Variants in MRPL13 observed in about 807,000 individuals in gnomAD.
The protein encoded by MRPL13 is mitochondrial ribosomal protein L13, also known as large ribosomal subunit protein uL13m.
MRPL13 carries 33 observed loss-of-function variants against 29.0 expected under a neutral mutation model. That is an observed-to-expected ratio of 1.14 (90% CI 0.86 to 1.52). The LOEUF (loss-of-function observed/expected upper bound fraction) is 1.52. MRPL13 is among the 40% of genes most tolerant of loss of function. The probability of loss-of-function intolerance (pLI) is 0.00; values close to 1 mark genes in which losing one functional copy is unlikely to be tolerated. For missense variants in MRPL13, 227 were observed against 216.7 expected, an observed-to-expected ratio of 1.05 and a Z score of -0.30; for synonymous variants, 77 against 68.4, an observed-to-expected ratio of 1.13 and a Z score of -0.62.
intron 4 of MRPL13, 134 bp downstream of exon 4, chr8:120,425,171 TG>T: frequency 1.7e-6 from 1 of 575,128 alleles, no homozygotes; most frequent in South Asian, 2.7e-5. Context: ...TATCAAAACG[TG>T]TGTGATACAG....
intron 3 of MRPL13, among the ~76,000 whole-genome samples, chr8:120,426,827 A>C (rs922586615): frequency 1.3e-5 from 2 of 152,184 alleles, no homozygotes; most frequent in Non-Finnish European, 2.9e-5. Flanking sequence ...AACTGGGGAC[A>C]CACAGATAAA....
chr8:120,419,279 T>C (rs2130467294), intron 5 of MRPL13, among the ~76,000 whole-genome samples: 1 of 152,098 alleles, frequency 6.6e-6, no homozygotes, highest in African/African-American at 2.4e-5. Context: ...ATTATTTTAT[T>C]ATAGAAGCTT....
intron 6 of MRPL13, among the ~76,000 whole-genome samples, chr8:120,407,211 C>T (rs1812679115): frequency 6.6e-6 from 1 of 152,176 alleles, no homozygotes; most frequent in African/African-American, 2.4e-5. Flanking sequence ...TTTATATTAT[C>T]TTGAAAATGG....
intron 2 of MRPL13, among the ~76,000 whole-genome samples, chr8:120,442,740 G>A (rs7002445): frequency 0.78 from 118,843 of 152,070 alleles, 47,930 homozygotes; most frequent in Non-Finnish European, 0.89. Flanking sequence ...AAGTCTATTA[G>A]TCTTATTAGT....
At chr8:120,414,135 C>T in intron 5 of MRPL13, 23 bp from the exon 6 acceptor site, 1 of 1,438,196 alleles carries the variant, frequency 7.0e-7, no homozygotes, top group African/African-American at 1.5e-5. Flanking sequence ...AAAATTTAGA[C>T]TTAATTTTCT....
intron 2 of MRPL13, among the ~76,000 whole-genome samples, chr8:120,440,243 A>G (rs1026204776): frequency 2.0e-5 from 3 of 152,260 alleles, no homozygotes; most frequent in African/African-American, 7.2e-5. Context: ...CCTGAGCAGA[A>G]ATCTGAAAGA....
chr8:120,425,330 C>A lies in MRPL13; in HGVS notation c.282G>T (p.Gln94His). 2.5e-6 allele frequency: 4 copies of A among 1,612,724 alleles called. No homozygotes were observed. Among genetic ancestry groups the A allele is most frequent in the Non-Finnish European group, 3.4e-6 (4 of 1,179,184 alleles). Residue 94 changes from glutamine (Q) to histidine (H), a missense_variant, in exon 4 of 7, where the codon CAG becomes CAT. By Grantham distance (24) the Gln-to-His change is conservative. Transcript: ENST00000306185. The part of the protein sequence containing the change: ...PGGFRQVTAA[Q>H]LHLRDPVAIV... ...CTGCCACTGGATCCCTCAGGTGAAGCTGAGCAGCTGTTACTTGTCTAAATC... is the reference window on the plus strand; with the variant it reads ...CTGCCACTGGATCCCTCAGGTGAAGATGAGCAGCTGTTACTTGTCTAAATC...
chr8:120,429,680 A>G (rs1812976851), intron 3 of MRPL13, among the ~76,000 whole-genome samples: 1 of 152,140 alleles, frequency 6.6e-6, no homozygotes, highest in Non-Finnish European at 1.5e-5. Context: ...TTAAGTGAAA[A>G]AGGATATAAA....
intron 2 of MRPL13, among the ~76,000 whole-genome samples, chr8:120,440,919 A>G (rs1386429230): frequency 1.3e-5 from 2 of 152,096 alleles, no homozygotes; most frequent in East Asian, 3.9e-4. Flanking sequence ...AGGATGGAGT[A>G]CAGCAGCTTA....
intron 4 of MRPL13, among the ~76,000 whole-genome samples, 196 bp downstream of exon 4, chr8:120,425,110 T>C (rs1812916845): frequency 6.6e-6 from 1 of 152,090 alleles, no homozygotes; most frequent in African/African-American, 2.4e-5. Flanking sequence ...ATGCAAAACA[T>C]AATACATAGC....
Position 120,437,518 on chromosome 8 carries a change from C to T in MRPL13, c.152-5395G>A, listed in dbSNP as rs150560051. On this transcript the variant is annotated intron_variant, in intron 2 of 6. Coordinates refer to ENST00000306185, the MANE Select transcript of MRPL13 (RefSeq NM_014078.6). ...AGTTGGCAGTGAAAGGAGTAGAATC[C>T]TCATAAAGAATAAGTCATACTCCAC... Among the ~76,000 whole-genome samples the T allele has an allele frequency of 6.1e-3, 922 of 152,176 alleles. 11 individuals carry two copies. Among genetic ancestry groups the T allele is most frequent in the South Asian group, 0.04 (192 of 4,814 alleles).
intron 6 of MRPL13, among the ~76,000 whole-genome samples, chr8:120,402,478 T>TA (rs1272926125): frequency 6.6e-6 from 1 of 152,172 alleles, no homozygotes; most frequent in Non-Finnish European, 1.5e-5. Context: ...ACCCCTTCCT[T>TA]ACACCTAATA....
chr8:120,397,481 G>A (rs1360949709), intron 6 of MRPL13, among the ~76,000 whole-genome samples: 1 of 152,204 alleles, frequency 6.6e-6, no homozygotes, highest in Non-Finnish European at 1.5e-5. Flanking sequence ...AGTTCCTGGG[G>A]GGAGGGGCAG....
intron 5 of MRPL13, chr8:120,414,848 CT>C (rs1812786354): frequency 6.6e-6 from 1 of 152,162 alleles, no homozygotes; most frequent in African/African-American, 2.4e-5. Flanking sequence ...CACTTTCCCC[CT>C]ACTATGTATC....
chr8:120,444,794 C>G (rs939030954), intron 1 of MRPL13, among the ~76,000 whole-genome samples: 3 of 152,052 alleles, frequency 2.0e-5, no homozygotes, highest in Non-Finnish European at 2.9e-5. Context: ...TGTGATCCAC[C>G]TTATTACCTC....
chr8:120,408,217 AC>A (rs1484818084), intron 6 of MRPL13, among the ~76,000 whole-genome samples: 1 of 152,204 alleles, frequency 6.6e-6, no homozygotes, highest in Non-Finnish European at 1.5e-5. Context: ...AGATCAACAT[AC>A]TTTTAAATAA....
chr8:120,434,817 T>G (rs535544223), intron 2 of MRPL13, among the ~76,000 whole-genome samples: 2 of 152,260 alleles, frequency 1.3e-5, no homozygotes, highest in East Asian at 3.9e-4. Context: ...TAAGCCATGC[T>G]ATTTAGGTTG....
At chr8:120,418,099 G>A (rs1337191506) in intron 5 of MRPL13, among the ~76,000 whole-genome samples, 2 of 152,034 alleles carry the variant, frequency 1.3e-5, no homozygotes, top group African/African-American at 4.8e-5. Context: ...ATATATGCTT[G>A]TGTGTATGTA....
intron 2 of MRPL13, among the ~76,000 whole-genome samples, chr8:120,442,567 T>C (rs761830792): frequency 2.0e-5 from 3 of 152,156 alleles, no homozygotes; most frequent in Non-Finnish European, 4.4e-5. Flanking sequence ...TTGCAGCAAA[T>C]GCTGTTGACA....
Sources: allele counts gnomAD v4.1 joint callset (sites outside exome capture counted in the v4.1 genomes callset), GRCh38; gene constraint gnomAD v4.1.1; transcripts MANE v1.5; gene names NCBI Gene and HGNC (gene_info 2026-07-23, HGNC 2026-07-21).